The following PTPRD variants were observed in gnomAD, a reference collection of about 807,000 sequenced individuals.
PTPRD encodes the protein receptor-type tyrosine-protein phosphatase delta.
Under a neutral mutation model 214.5 loss-of-function variants are expected in PTPRD, and 34 were observed. The ratio of observed to expected loss-of-function variants is 0.16; its 90% CI spans 0.12 to 0.21. The LOEUF (loss-of-function observed/expected upper bound fraction) is 0.21. Among genes scored for constraint, PTPRD ranks in the 10% least tolerant of loss-of-function variants. PTPRD has a pLI of 1.00. For missense variants in PTPRD, 2,545 were observed against 2,398.7 expected (o/e 1.06, Z -1.27); for synonymous variants, 1,128 against 845.7 (o/e 1.33, Z -5.79).
chr9:9,072,243 G>C (rs1283536276), intron 10 of PTPRD, among the ~76,000 whole-genome samples: 1 of 148,736 alleles, frequency 6.7e-6, no homozygotes, highest in African/African-American at 2.5e-5. Flanking sequence ...ATCTCAGAAA[G>C]AAAAGAGTCT....
chr9:9,724,798 G>A (rs1157633779), intron 7 of PTPRD, among the ~76,000 whole-genome samples: 1 of 152,130 alleles, frequency 6.6e-6, no homozygotes, highest in African/African-American at 2.4e-5. Flanking sequence ...GAGGTACACA[G>A]ACATTAAATA....
chr9:9,647,182 C>A (rs887507550), intron 7 of PTPRD, among the ~76,000 whole-genome samples: 1 of 152,114 alleles, frequency 6.6e-6, no homozygotes, highest in Non-Finnish European at 1.5e-5. Context: ...TTTCCCCCCC[C>A]TCTTTCTAGT....
At chr9:10,405,570 TCTGA>T (rs200499572) in intron 2 of PTPRD, among the ~76,000 whole-genome samples, 2,151 of 151,760 alleles carry the variant, frequency 0.014, 29 homozygotes, top group Non-Finnish European at 0.018. Context: ...TTTATTCTGC[TCTGA>T]CTGTCTGGTT....
chr9:8,504,716 C>T (rs2097502709), intron 22 of PTPRD, among the ~76,000 whole-genome samples: 1 of 152,112 alleles, frequency 6.6e-6, no homozygotes, highest in African/African-American at 2.4e-5. Flanking sequence ...GTATGTTCTG[C>T]CGTTAAATGT....
intron 2 of PTPRD, among the ~76,000 whole-genome samples, chr9:10,501,847 C>T (rs1275083594): frequency 1.3e-5 from 2 of 151,920 alleles, no homozygotes; most frequent in African/African-American, 4.8e-5. Context: ...GAATGCTTCT[C>T]AATTCTGGAA....
At chr9:9,813,183 T>A (rs573322588) in intron 5 of PTPRD, among the ~76,000 whole-genome samples, 1 of 152,134 alleles carries the variant, frequency 6.6e-6, no homozygotes, top group East Asian at 1.9e-4. Flanking sequence ...GACAAATGCT[T>A]ACATTTATTA....
intron 9 of PTPRD, among the ~76,000 whole-genome samples, chr9:9,220,642 CG>C (rs1399752085): frequency 6.6e-6 from 1 of 151,868 alleles, no homozygotes. Context: ...ATTTGCATTT[CG>C]GGGGGTTGAA....
intron 11 of PTPRD, among the ~76,000 whole-genome samples, chr9:8,757,947 G>A (rs1341347804): frequency 6.6e-6 from 1 of 152,158 alleles, no homozygotes; most frequent in African/African-American, 2.4e-5. Context: ...TCTCACAGAA[G>A]CAGACTGGTG....
Position 8,841,930 on chromosome 9 carries a change from G to A in PTPRD, c.-103-107984C>T, listed in dbSNP as rs956796643. On this transcript the variant is annotated intron_variant, in intron 11 of 45. Coordinates refer to ENST00000381196, the MANE Select transcript of PTPRD (RefSeq NM_002839.4). ...GGAGGCTGAGGCAGGAGAATCAGAT[G>A]AGCCCAGGAAGCAGAGGTTGCAGTG... 2.6e-5 allele frequency among the ~76,000 whole-genome samples: 4 copies of A among 151,642 alleles called. No homozygotes were observed. The South Asian group carries it at 6.2e-4, about 24-fold the overall frequency.
intron 44 of PTPRD, among the ~76,000 whole-genome samples, chr9:8,325,838 A>G (rs1833125837): frequency 1.3e-5 from 2 of 152,000 alleles, no homozygotes; most frequent in Non-Finnish European, 2.9e-5. Context: ...ATCTTTTTTG[A>G]AGCAATTGTG....
intron 3 of PTPRD, among the ~76,000 whole-genome samples, chr9:10,107,814 T>C (rs891028691): frequency 2.0e-5 from 3 of 152,116 alleles, no homozygotes; most frequent in Non-Finnish European, 4.4e-5. Context: ...TTAAACTCAT[T>C]GTCCTTCCTG....
chr9:9,489,309 C>T (rs1466524004), intron 8 of PTPRD, among the ~76,000 whole-genome samples: 1 of 152,146 alleles, frequency 6.6e-6, no homozygotes. Context: ...AAAAGAGAAT[C>T]TGAGTTCCAT....
intron 4 of PTPRD, among the ~76,000 whole-genome samples, chr9:9,967,676 A>C (rs1034357957): frequency 6.6e-6 from 1 of 152,182 alleles, no homozygotes; most frequent in African/African-American, 2.4e-5. Context: ...ACAGAAAATG[A>C]GAAGTTTAAG....
chr9:9,542,963 G>T (rs2077953331), intron 8 of PTPRD, among the ~76,000 whole-genome samples: 2 of 151,592 alleles, frequency 1.3e-5, no homozygotes, highest in Admixed American at 6.6e-5. Flanking sequence ...AGCAATTCCA[G>T]TAATTCTCTA....
intron 4 of PTPRD, among the ~76,000 whole-genome samples, chr9:9,939,370 G>A (rs918898459): frequency 1.3e-5 from 2 of 152,148 alleles, no homozygotes; most frequent in African/African-American, 2.4e-5. Flanking sequence ...AAATGCAAGA[G>A]ATGCAGCACT....
chr9:8,910,092 G>A (rs1002976097), intron 11 of PTPRD, among the ~76,000 whole-genome samples: 1 of 151,920 alleles, frequency 6.6e-6, no homozygotes, highest in Non-Finnish European at 1.5e-5. Context: ...AGGCTGGAGT[G>A]CAGTGGCTCA....
chr9:8,365,435 C>G (rs1161756045), intron 39 of PTPRD, among the ~76,000 whole-genome samples: 3 of 152,030 alleles, frequency 2.0e-5, no homozygotes, highest in Non-Finnish European at 4.4e-5. Flanking sequence ...GACTTTTTTC[C>G]TACTTTCTTA....
intron 9 of PTPRD, among the ~76,000 whole-genome samples, chr9:9,272,568 T>G (rs1383036814): frequency 6.6e-6 from 1 of 151,330 alleles, no homozygotes; most frequent in Admixed American, 6.6e-5. Flanking sequence ...GGCGGTCATC[T>G]GATGCCATTA....
At chr9:9,795,158 T>C (rs1213696294) in intron 5 of PTPRD, among the ~76,000 whole-genome samples, 1 of 152,200 alleles carries the variant, frequency 6.6e-6, no homozygotes, top group Non-Finnish European at 1.5e-5. Flanking sequence ...TTCTACTTTG[T>C]CTTCCAATCT....
Sources: gnomAD v4.1 joint callset for allele counts (sites outside exome capture counted in the v4.1 genomes callset) on GRCh38, gnomAD v4.1.1 for gene constraint, MANE v1.5 for transcripts, NCBI Gene and HGNC (gene_info 2026-07-23, HGNC 2026-07-21) for gene names.